AFM: variants seen among roughly 807,000 people sequenced by gnomAD.
AFM encodes alpha-Alb.
A neutral mutation model predicts 68.7 loss-of-function variants in AFM; 82 were observed. That is an observed-to-expected ratio of 1.19 (90% CI 1.00 to 1.43). The LOEUF is 1.43. Among genes scored for constraint, AFM ranks in the 40% most tolerant of loss-of-function variants. AFM has a pLI of 0.00. For synonymous variants in AFM, 250 were observed against 234.2 expected (o/e 1.07, Z -0.61); for missense variants, 772 against 701.8 (o/e 1.10, Z -1.13).
At chr4:73,487,968 A>T in intron 6 of AFM, 147 bp downstream of exon 6, 1 of 560,034 alleles carries the variant, frequency 1.8e-6, no homozygotes, top group Non-Finnish European at 3.2e-6. Context: ...ACAGCTCAGG[A>T]CCAGGACATT....
intron 1 of AFM, among the ~76,000 whole-genome samples, chr4:73,483,270 AATTAGATT>A (rs755844350): frequency 1.3e-5 from 2 of 152,138 alleles, no homozygotes; most frequent in Admixed American, 6.5e-5. Context: ...TCCCATTCTA[AATTAGATT>A]ATTGTCACAT....
chr4:73,484,407 T>G lies in AFM; in HGVS notation c.270+17T>G. On this transcript the variant is annotated intron_variant, in intron 3 of 14. Coordinates refer to ENST00000226355, the MANE Select transcript of AFM (RefSeq NM_001133.2). ...AAATTACCTGTAAGTAAATTGCTTG[T>G]GTTTCTTTTCCTTTTATCTTATGTC... 6.6e-7 allele frequency: 1 copy of G among 1,504,988 alleles called. No individual in the cohort carries two copies. Among genetic ancestry groups the G allele is most frequent in the Non-Finnish European group, 8.9e-7 (1 of 1,127,326 alleles). 93.2% of individuals were successfully genotyped at this position (1,504,988 alleles called of 1,614,324 possible).
rs766088756 is a variant in AFM, at chr4:73,488,617, A to C, written c.714-13A>C. On this transcript the variant is annotated splice_polypyrimidine_tract_variant and intron_variant, in intron 6 of 14. Transcript: ENST00000226355. ...TTCAAATTATTTTTGTGGTTTATCAATTCTCTTTCCAGATATATTGCGATA... is the reference window on the plus strand; with the variant it reads ...TTCAAATTATTTTTGTGGTTTATCACTTCTCTTTCCAGATATATTGCGATA... 3.1e-6 allele frequency: 5 copies of C among 1,599,566 alleles called. No homozygotes were observed. The East Asian group carries it at 1.1e-4, about 36-fold the overall frequency.
chr4:73,486,936 G>T, intron 4 of AFM, 31 bp from the exon 5 acceptor site: 3 of 1,583,842 alleles, frequency 1.9e-6, no homozygotes, highest in Non-Finnish European at 2.6e-6. Context: ...TCCCTCACCC[G>T]TCTTCTCTCT....
intron 3 of AFM, 117 bp downstream of exon 3, chr4:73,484,507 ATTCTTTCT>A (rs1488454683): frequency 2.3e-6 from 1 of 439,538 alleles, no homozygotes; most frequent in African/African-American, 5.6e-5. Flanking sequence ...TCTTTCTTTC[ATTCTTTCT>A]TTCTTCTTTC....
At chr4:73,496,559 G>A (rs1721262242) in intron 9 of AFM, among the ~76,000 whole-genome samples, 1 of 152,148 alleles carries the variant, frequency 6.6e-6, no homozygotes, top group Non-Finnish European at 1.5e-5. Flanking sequence ...CCACAACAGT[G>A]CTTGGAAATG....
chr4:73,488,083 G>A (rs1289751205), intron 6 of AFM, among the ~76,000 whole-genome samples: 1 of 152,040 alleles, frequency 6.6e-6, no homozygotes, highest in Non-Finnish European at 1.5e-5. Context: ...TGCTCTGGAT[G>A]TTTCAAACCA....
intron 7 of AFM, among the ~76,000 whole-genome samples, chr4:73,489,118 A>T (rs1189314461): frequency 6.6e-6 from 1 of 152,190 alleles, no homozygotes; most frequent in Non-Finnish European, 1.5e-5. Context: ...TCAAGGAATG[A>T]CTTGTTAACA....
intron 11 of AFM, 87 bp downstream of exon 11, chr4:73,499,333 C>T (rs1258928113): frequency 1.6e-6 from 2 of 1,230,136 alleles, no homozygotes; most frequent in African/African-American, 3.2e-5. Context: ...CGTGATTATC[C>T]ATATTCCTTT....
rs769311850 is a variant in AFM, at chr4:73,499,075, T to C, written c.1290-39T>C. On this transcript the variant is annotated intron_variant, in intron 10 of 14. Transcript: ENST00000226355. ...AGTAATTCAAGGGAAAATGGGTATCTGCTTTCATTCAGAACCAAACAGACA... is the reference window on the plus strand; with the variant it reads ...AGTAATTCAAGGGAAAATGGGTATCCGCTTTCATTCAGAACCAAACAGACA... 10 of 1,590,518 alleles carry C rather than the reference T, an allele frequency of 6.3e-6. No individual in the cohort carries two copies. In the Admixed American group the frequency reaches 1.0e-4, roughly 16 times the overall value.
intron 3 of AFM, 79 bp downstream of exon 3, chr4:73,484,469 TC>T (rs1720818600): frequency 1.8e-6 from 1 of 550,456 alleles, no homozygotes; most frequent in Non-Finnish European, 3.0e-6. Context: ...TTTCTTTCTT[TC>T]TTTCTTTCTT....
chr4:73,500,262 G>T (rs779753602), intron 12 of AFM, 35 bp downstream of exon 12: 4 of 1,540,766 alleles, frequency 2.6e-6, no homozygotes, highest in Non-Finnish European at 2.7e-6. Flanking sequence ...CTTTTTCTTT[G>T]GTTTGAAGAC....
chr4:73,498,150 T>C (rs907749526), intron 10 of AFM, among the ~76,000 whole-genome samples: 6 of 152,210 alleles, frequency 3.9e-5, no homozygotes, highest in African/African-American at 1.4e-4. Context: ...TTTATAGAAA[T>C]AACTCAGGAT....
At chr4:73,494,983 T>C in intron 8 of AFM, 1 of 172,196 alleles carries the variant, frequency 5.8e-6, no homozygotes, top group Non-Finnish European at 1.2e-5. Context: ...ATATGTATTT[T>C]TTAAAGTATA....
Position 73,491,964 on chromosome 4 carries a change from G to A in AFM, c.936G>A (p.Gln312=). 1.9e-6 allele frequency: 3 copies of A among 1,613,982 alleles called. No individual in the cohort carries two copies. Among genetic ancestry groups the A allele is most frequent in the Admixed American group, 1.7e-5 (1 of 60,008 alleles). Residue 312 remains glutamine, a synonymous_variant, in exon 8 of 15, where the codon CAG becomes CAA. Coordinates refer to ENST00000226355, the MANE Select transcript of AFM (RefSeq NM_001133.2). ...CCEKKIPERG[Q]CIINSNKDDR... is the part of the protein sequence containing the mutation. The stretch of plus-strand genomic sequence containing the variant: ...AAAAGAAAATACCAGAGCGCGGCCA[G>A]TGCATAATTAACTCAAACAAAGATG...
chr4:73,492,041 A>T lies in AFM; in HGVS notation c.1013A>T (p.Asn338Ile), dbSNP rs1356025736. Reference protein sequence around the residue: ...LREGKFTDSENVCQERDADPD... With the variant: ...LREGKFTDSEIVCQERDADPD... ...GAAGGAAAATTTACTGACAGTGAAA[A>T]TGTGTGTCAAGAACGAGATGCTGAC... The change falls in exon 8 of 15, where the codon AAT (asparagine) becomes ATT (isoleucine). Residue 338 changes from asparagine (N) to isoleucine (I), a missense_variant. Asn to Ile is a moderately radical substitution (Grantham distance 149, BLOSUM62 -3). Coordinates refer to ENST00000226355, the MANE Select transcript of AFM (RefSeq NM_001133.2). 1 of 1,613,248 alleles carries T rather than the reference A, an allele frequency of 6.2e-7. No individual in the cohort carries two copies. Among genetic ancestry groups the T allele is most frequent in the East Asian group, 2.2e-5 (1 of 44,844 alleles).
intron 9 of AFM, among the ~76,000 whole-genome samples, chr4:73,496,554 A>G (rs1013039616): frequency 1.3e-5 from 2 of 152,198 alleles, no homozygotes; most frequent in Non-Finnish European, 2.9e-5. Context: ...TGGCCCCACA[A>G]CAGTGCTTGG....
intron 7 of AFM, among the ~76,000 whole-genome samples, chr4:73,489,829 T>C (rs1302329392): frequency 1.3e-5 from 2 of 152,168 alleles, no homozygotes; most frequent in Non-Finnish European, 2.9e-5. Context: ...TGGGTTGAGA[T>C]TGGGTGCTGA....
In AFM at chr4:73,486,964, T is replaced by C; in HGVS notation, c.483-3T>C. ...TTCTCTCTTTCATTTTTATTTTTTA[T>C]AGCTTTTTATATGAAGTTGCCAGAA... On this transcript the variant is annotated splice_polypyrimidine_tract_variant and splice_region_variant and intron_variant, in intron 4 of 14. Coordinates refer to ENST00000226355, the MANE Select transcript of AFM (RefSeq NM_001133.2). 9 of 1,612,028 alleles carry C rather than the reference T, an allele frequency of 5.6e-6. No homozygotes were observed. The highest frequency in any genetic ancestry group is 7.6e-6 in the Non-Finnish European group (9 of 1,179,072).
Sources: gnomAD v4.1 joint callset for allele counts (sites outside exome capture counted in the v4.1 genomes callset) on GRCh38, gnomAD v4.1.1 for gene constraint, MANE v1.5 for transcripts, NCBI Gene and HGNC (gene_info 2026-07-23, HGNC 2026-07-21) for gene names.